ZBTB17: variants seen among roughly 807,000 people sequenced by gnomAD.
ZBTB17 encodes zinc finger and BTB domain containing 17, also known as zinc finger and BTB domain-containing protein 17.
Under a neutral mutation model 85.1 loss-of-function variants are expected in ZBTB17, and 24 were observed. The ratio of observed to expected loss-of-function variants is 0.28; its 90% CI spans 0.20 to 0.40. The LOEUF is 0.40. ZBTB17 is among the 10% of genes least tolerant of loss of function. The pLI is 1.00. For missense variants in ZBTB17, 743 were observed against 1,105.1 expected, an observed-to-expected ratio of 0.67 and a Z score of 4.65; for synonymous variants, 464 against 460.2, an observed-to-expected ratio of 1.01 and a Z score of -0.11.
chr1:15,949,221 C>T (rs2071735747), intron 2 of ZBTB17, among the ~76,000 whole-genome samples: 1 of 152,172 alleles, frequency 6.6e-6, no homozygotes, highest in Non-Finnish European at 1.5e-5. Context: ...CTGTCAAGGG[C>T]CTCACTTAAT....
In ZBTB17 at chr1:15,972,982, T is replaced by C. The variant is rs184261918; in HGVS notation, c.-3+57A>G. On this transcript the variant is annotated intron_variant, in intron 2 of 15. Transcript: ENST00000375743. ...AGAATCATTTGAATCATGTTGAACC[T>C]AGAGAAAAAGGACAAACTGATCTGA... 2.0e-5 allele frequency: 3 copies of C among 152,334 alleles called. No individual in the cohort carries two copies. In the East Asian group the frequency reaches 5.8e-4, roughly 29 times the overall value. 9.4% of individuals were successfully genotyped at this position (152,334 alleles called of 1,614,324 possible).
Position 15,943,494 on chromosome 1 carries a change from C to T in ZBTB17, c.1602G>A (p.Met534Ile), listed in dbSNP as rs1444548907. 1 of 1,610,572 alleles carries T rather than the reference C, an allele frequency of 6.2e-7. No individual in the cohort carries two copies. The highest frequency in any genetic ancestry group is 8.5e-7 in the Non-Finnish European group (1 of 1,177,784). The change falls in exon 12 of 16, where the codon ATG becomes ATA. Residue 534 changes from methionine to isoleucine, a missense_variant. Met to Ile is a conservative substitution (Grantham distance 10). This residue lies in a region of ZBTB17 where 321 missense variants were observed against 615.7 expected (regional missense o/e 0.52). Transcript: ENST00000375743. ...TGGCCTGGGTGAAGGCCTTACCGCA[C>T]ATCACACACTGGCATGGCTTCTCAC... ...HTGEKPCQCV[M>I]CGKAFTQASS...
rs778205311 is a variant in ZBTB17, at chr1:15,947,149, A to G, written c.206-26T>C. ...CTACCAAGGACAGGACAGCTGTCAC[A>G]GACCCACCTCAAGATCCGGCACCGG... is the stretch of plus-strand genomic sequence containing the variant. On this transcript the variant is annotated intron_variant, in intron 3 of 15. Coordinates refer to ENST00000375743, the MANE Select transcript of ZBTB17 (RefSeq NM_003443.3). 5.0e-6 allele frequency: 8 copies of G among 1,587,578 alleles called. No homozygotes were observed. In the East Asian group the frequency reaches 6.8e-5, roughly 14 times the overall value.
At position 15,941,940 on chromosome 1, in the gene ZBTB17, T is replaced by TTAAA; in HGVS notation, c.*25_*28dup. On this transcript the variant is annotated 3_prime_UTR_variant, in exon 16 of 16. Transcript: ENST00000375743. The stretch of plus-strand genomic sequence containing the variant: ...CCCGGTTCCAGGGTGCCATCCATCC[T>TTAAA]TAAATAAACAGTCAGAAGGGCCGCC... 6.4e-7 allele frequency: 1 copy of TTAAA among 1,574,686 alleles called. No individual in the cohort carries two copies. Among genetic ancestry groups the TTAAA allele is most frequent in the South Asian group, 1.1e-5 (1 of 88,148 alleles).
At chr1:15,954,303 C>A (rs1349894441) in intron 2 of ZBTB17, among the ~76,000 whole-genome samples, 3 of 152,190 alleles carry the variant, frequency 2.0e-5, no homozygotes, top group Non-Finnish European at 2.9e-5. Context: ...TTAGTATGCA[C>A]TAAACTACCT....
chr1:15,943,497 C>T lies in ZBTB17; in HGVS notation c.1599G>A (p.Val533=), dbSNP rs1002604721. 1 of 1,610,196 alleles carries T rather than the reference C, an allele frequency of 6.2e-7. No homozygotes were observed. The highest frequency in any genetic ancestry group is 8.5e-7 in the Non-Finnish European group (1 of 1,177,554). ...CCTGGGTGAAGGCCTTACCGCACAT[C>T]ACACACTGGCATGGCTTCTCACCTG... is the stretch of plus-strand genomic sequence containing the variant. ...IHTGEKPCQC[V]MCGKAFTQAS... is the part of the protein sequence containing the mutation. Residue 533 remains valine, a synonymous_variant, in exon 12 of 16, where the codon GTG becomes GTA. Coordinates refer to ENST00000375743, the MANE Select transcript of ZBTB17 (RefSeq NM_003443.3).
intron 2 of ZBTB17, among the ~76,000 whole-genome samples, chr1:15,969,034 A>T (rs1023673969): frequency 6.6e-6 from 1 of 152,208 alleles, no homozygotes; most frequent in African/African-American, 2.4e-5. Context: ...GCGAAGCTTC[A>T]ACCTGTATTT....
In ZBTB17 at chr1:15,951,187, CCT is replaced by C. The variant is rs1413334421; in HGVS notation, c.-2-2692_-2-2691del. ...GAGGAGAAACAGAGGCGTCTATAAT[CCT>C]CTGAGGCTGCCCCAGCAGAGAAACG... On this transcript the variant is annotated intron_variant, in intron 2 of 15. Transcript: ENST00000375743. The surrounding 1 kb of genome is among the most constrained non-coding windows in gnomAD (Gnocchi z 4.1). Among the ~76,000 whole-genome samples, 2 of 152,106 alleles carry C rather than the reference CCT, an allele frequency of 1.3e-5. No individual in the cohort carries two copies. The highest frequency in any genetic ancestry group is 6.5e-5 in the Admixed American group (1 of 15,276).
Position 15,952,031 on chromosome 1 carries a change from C to T in ZBTB17, c.-2-3534G>A, listed in dbSNP as rs892513014. On this transcript the variant is annotated intron_variant, in intron 2 of 15. Transcript: ENST00000375743. This position sits in a 1 kb window ranked among gnomAD's most constrained non-coding sequence, Gnocchi z 4.3. ...AAGCACAAGTGTCAAGGTCTGTGGT[C>T]TTGTCTTCACCTTGCGTGATGGGCG... Among the ~76,000 whole-genome samples, 3 of 152,194 alleles carry T rather than the reference C, an allele frequency of 2.0e-5. No individual in the cohort carries two copies. The highest frequency in any genetic ancestry group is 7.2e-5 in the African/African-American group (3 of 41,450).
rs924395951 is a variant in ZBTB17, at chr1:15,944,066, C to T, written c.1372-171G>A. The T allele has an allele frequency of 9.4e-6, 9 of 961,690 alleles. No individual in the cohort carries two copies. In the African/African-American group the frequency reaches 9.7e-5, roughly 10 times the overall value. The allele number at this position is 961,690 out of a possible 1,614,324, so 59.6% of individuals were successfully genotyped here. A position where few individuals can be genotyped will look rare whatever the true frequency, so the allele number is the denominator to read the frequency against. ...CAGGTCCCAGCGGTGAGAGGTAAGCCGCCCCACCCCATTTTTTCAGGACCA... is the reference window on the plus strand; with the variant it reads ...CAGGTCCCAGCGGTGAGAGGTAAGCTGCCCCACCCCATTTTTTCAGGACCA... On this transcript the variant is annotated intron_variant, in intron 9 of 15. Transcript: ENST00000375743.
intron 2 of ZBTB17, among the ~76,000 whole-genome samples, chr1:15,971,366 A>C (rs1474671799): frequency 1.7e-5 from 2 of 118,588 alleles, no homozygotes; most frequent in East Asian, 6.3e-4. Context: ...CACACAATAT[A>C]TATATATACA....
At chr1:15,959,624 G>C (rs77506611) in intron 2 of ZBTB17, among the ~76,000 whole-genome samples, 3 of 149,368 alleles carry the variant, frequency 2.0e-5, no homozygotes, top group Non-Finnish European at 4.5e-5. Flanking sequence ...GGAGGGAGGA[G>C]AGGGAGGAGA....
intron 2 of ZBTB17, chr1:15,970,294 A>C: frequency 3.4e-6 from 1 of 297,404 alleles, no homozygotes. Context: ...GAAGATGCTC[A>C]CATGAAACTG....
intron 2 of ZBTB17, among the ~76,000 whole-genome samples, chr1:15,971,359 A>G (rs1178371584): frequency 7.0e-6 from 1 of 142,970 alleles, no homozygotes; most frequent in Non-Finnish European, 1.5e-5. Flanking sequence ...ACATACACAC[A>G]CAATATATAT....
chr1:15,971,373 T>TATATATATATACACACTATATATATAC (rs1557799236), intron 2 of ZBTB17, among the ~76,000 whole-genome samples: 15 of 82,676 alleles, frequency 1.8e-4, no homozygotes, highest in African/African-American at 5.6e-4. Flanking sequence ...TATATATATA[T>TATATATATATACACACTATATATATAC]ACACACACTA....
chr1:15,964,312 G>C lies in ZBTB17; in HGVS notation c.-3+8727C>G, dbSNP rs1031745322. Among the ~76,000 whole-genome samples, 1 of 152,134 alleles carries C rather than the reference G, an allele frequency of 6.6e-6. No individual in the cohort carries two copies. Among genetic ancestry groups the C allele is most frequent in the Non-Finnish European group, 1.5e-5 (1 of 68,030 alleles). On this transcript the variant is annotated intron_variant, in intron 2 of 15. Transcript: ENST00000375743. This position sits in a 1 kb window ranked among gnomAD's most constrained non-coding sequence, Gnocchi z 4.3. ...GCTATACCACATTTATGGATCAGAT[G>C]ACTCAACATCATAAAAATGTCAGCT... is the stretch of plus-strand genomic sequence containing the variant.
chr1:15,974,223 A>T lies in ZBTB17; in HGVS notation c.-89-1098T>A, dbSNP rs558579515. Among the ~76,000 whole-genome samples the T allele has an allele frequency of 2.0e-5, 3 of 150,490 alleles. No individual in the cohort carries two copies. The East Asian group carries it at 5.8e-4, about 29-fold the overall frequency. ...AAAAACAAAAACAAAAACAAAAAAA[A>T]CCTGATTCTTTTATTTCAGGCTGGA... is the stretch of plus-strand genomic sequence containing the variant. On this transcript the variant is annotated intron_variant, in intron 1 of 15. Transcript: ENST00000375743.
chr1:15,971,770 T>C lies in ZBTB17; in HGVS notation c.-3+1269A>G, dbSNP rs549104134. ...CCTCATGTAATTCTCCAAACAATTC[T>C]GTCATCCCTATTTTACAGATGAGGA... is the stretch of plus-strand genomic sequence containing the variant. On this transcript the variant is annotated intron_variant, in intron 2 of 15. Transcript: ENST00000375743. Among the ~76,000 whole-genome samples the C allele has an allele frequency of 3.9e-5, 6 of 152,206 alleles. No individual in the cohort carries two copies. The East Asian group carries it at 1.2e-3, about 29-fold the overall frequency.
chr1:15,957,161 A>G (rs1185697286), intron 2 of ZBTB17, among the ~76,000 whole-genome samples: 4 of 149,194 alleles, frequency 2.7e-5, no homozygotes, highest in Non-Finnish European at 4.4e-5. Context: ...CCTGGGTGAC[A>G]GTGAGAGACT....
Sources: allele counts gnomAD v4.1 joint callset (sites outside exome capture counted in the v4.1 genomes callset), GRCh38; gene constraint gnomAD v4.1.1; regional missense constraint gnomAD v4.1.1; non-coding constraint Gnocchi (gnomAD v3.1); transcripts MANE v1.5; gene names NCBI Gene and HGNC (gene_info 2026-07-23, HGNC 2026-07-21).